OIP5: variants seen among roughly 807,000 people sequenced by gnomAD.
The protein encoded by OIP5 is Opa interacting protein 5.
Under a neutral mutation model 20.3 loss-of-function variants are expected in OIP5, and 24 were observed. The ratio of observed to expected loss-of-function variants is 1.18; its 90% CI spans 0.86 to 1.66. The LOEUF is 1.66. OIP5 is among the 40% of genes most tolerant of loss of function. The pLI, the probability that OIP5 is intolerant of heterozygous loss-of-function variation, is 0.00. For synonymous variants in OIP5, 143 were observed against 121.3 expected (o/e 1.18, Z -1.17); for missense variants, 339 against 289.5 (o/e 1.17, Z -1.24).
rs1271917198 is a variant in OIP5 at position 41,323,984 on chromosome 15, GCTT to G, written c.390-4207_390-4205del. Reference sequence around the variant, plus strand: ...CCTTAAATCTCATGAACCAACCTCTGCTTTTTTTTTTTTTTTTTTTTTTAAGAT... The same window carrying G: ...CCTTAAATCTCATGAACCAACCTCTGTTTTTTTTTTTTTTTTTTTTAAGAT... On this transcript the variant is annotated intron_variant, in intron 2 of 4. Transcript: ENST00000220514. Among the ~76,000 whole-genome samples the G allele has an allele frequency of 3.6e-5, 4 of 112,626 alleles. No individual in the cohort carries two copies. In the East Asian group the frequency reaches 8.4e-4, roughly 24 times the overall value. 73.9% of individuals were successfully genotyped at this position (112,626 alleles called of 152,430 possible). A position where few individuals can be genotyped will look rare whatever the true frequency, so the allele number is the denominator to read the frequency against.
intron 2 of OIP5, among the ~76,000 whole-genome samples, chr15:41,326,895 C>T (rs1413558549): frequency 1.3e-5 from 2 of 152,118 alleles, no homozygotes; most frequent in East Asian, 1.9e-4. Flanking sequence ...GAGGAAAATA[C>T]TTCCAATACA....
At position 41,309,823 on chromosome 15, in the gene OIP5, G is replaced by A. The variant is rs1261415668; in HGVS notation, c.621C>T (p.His207=). Residue 207 remains histidine, a synonymous_variant, in exon 5 of 5, where the codon CAC becomes CAT. Coordinates refer to ENST00000220514, the MANE Select transcript of OIP5 (RefSeq NM_007280.2). ...AELKEKIVLT[H]NRLKSLMKIL... is the part of the protein sequence containing the mutation. Reference sequence around the variant, plus strand: ...TCTTCATTAGTGATTTTAAGCGATTGTGCGTTAGCACTATCTTCTCTTTCA... The same window carrying A: ...TCTTCATTAGTGATTTTAAGCGATTATGCGTTAGCACTATCTTCTCTTTCA... 15 of 1,613,482 alleles carry A rather than the reference G, an allele frequency of 9.3e-6. No homozygotes were observed. The highest frequency in any genetic ancestry group is 1.7e-5 in the Admixed American group (1 of 60,016).
Position 41,331,911 on chromosome 15 carries a change from G to C in OIP5, c.389+4C>G. 1 of 1,612,546 alleles carries C rather than the reference G, an allele frequency of 6.2e-7. No individual in the cohort carries two copies. The highest frequency in any genetic ancestry group is 8.5e-7 in the Non-Finnish European group (1 of 1,178,650). On this transcript the variant is annotated splice_donor_region_variant and intron_variant, in intron 2 of 4. Coordinates refer to ENST00000220514, the MANE Select transcript of OIP5 (RefSeq NM_007280.2). ...TAGAGACCAATGTAATTATCAATACGTACCTGCCTTTGAGTGAACCTTCAA... is the reference window on the plus strand; with the variant it reads ...TAGAGACCAATGTAATTATCAATACCTACCTGCCTTTGAGTGAACCTTCAA...
At chr15:41,311,856 G>A (rs1256246460) in intron 4 of OIP5, among the ~76,000 whole-genome samples, 1 of 101,866 alleles carries the variant, frequency 9.8e-6, no homozygotes, top group African/African-American at 2.7e-5. Context: ...GTGAGCCACC[G>A]CACCCAGCCA....
At chr15:41,315,200 C>T (rs575891839) in intron 3 of OIP5, among the ~76,000 whole-genome samples, 4 of 151,286 alleles carry the variant, frequency 2.6e-5, no homozygotes, top group African/African-American at 7.3e-5. Context: ...GAGGCCGAGG[C>T]GGGGGGATCA....
chr15:41,317,673 C>G (rs917037556), intron 3 of OIP5, among the ~76,000 whole-genome samples: 1 of 152,012 alleles, frequency 6.6e-6, no homozygotes, highest in South Asian at 2.1e-4. Context: ...AGCTACCACG[C>G]CCAGCACCGT....
At chr15:41,331,434 A>C (rs955475349) in intron 2 of OIP5, among the ~76,000 whole-genome samples, 1 of 152,166 alleles carries the variant, frequency 6.6e-6, no homozygotes, top group Non-Finnish European at 1.5e-5. Flanking sequence ...AAATTTAAAA[A>C]TTAGCCGGGA....
rs370751576 is a variant in OIP5 at position 41,332,556 on chromosome 15, C to T, written c.6G>A (p.Ala2=). 1.9e-6 allele frequency: 3 copies of T among 1,599,716 alleles called. No individual in the cohort carries two copies. The highest frequency in any genetic ancestry group is 2.6e-6 in the Non-Finnish European group (3 of 1,173,740). M[A]AQPLRHRSRC... is the part of the protein sequence containing the mutation. ...GTGAGCGATGCCGCAGCGGCTGAGC[C>T]GCCATCTTCCCGCAGCCGGCGCCTT... The change falls in exon 1 of 5, where the codon GCG becomes GCA. Residue 2 remains alanine (A), a synonymous_variant. Coordinates refer to ENST00000220514, the MANE Select transcript of OIP5 (RefSeq NM_007280.2).
At chr15:41,319,445 G>C (rs1183142114) in intron 3 of OIP5, among the ~76,000 whole-genome samples, 4 of 151,882 alleles carry the variant, frequency 2.6e-5, no homozygotes, top group Non-Finnish European at 5.9e-5. Context: ...TCGTAGAGAT[G>C]GGTTTCACCA....
intron 2 of OIP5, among the ~76,000 whole-genome samples, chr15:41,321,201 G>A (rs1190973102): frequency 1.3e-5 from 2 of 150,378 alleles, no homozygotes; most frequent in South Asian, 2.1e-4. Context: ...GGAGGGAGGT[G>A]GGGGGGTCAG....
At chr15:41,310,414 CAGG>C (rs2047746808) in intron 4 of OIP5, among the ~76,000 whole-genome samples, 1 of 152,230 alleles carries the variant, frequency 6.6e-6, no homozygotes, top group African/African-American at 2.4e-5. Flanking sequence ...ATCACGAGGT[CAGG>C]AGATCAAGAC....
Position 41,331,991 on chromosome 15 carries a change from C to CA in OIP5, c.323-11dup. On this transcript the variant is annotated splice_polypyrimidine_tract_variant and intron_variant, in intron 1 of 4. Transcript: ENST00000220514. ...ACGTTATTTGTAACTCCTAGGAAGA[C>CA]AAACACGGGTCAGAACCCATACTCT... is the stretch of plus-strand genomic sequence containing the variant. The CA allele has an allele frequency of 1.2e-6, 2 of 1,613,704 alleles. No homozygotes were observed.
At chr15:41,322,825 C>T (rs2047838662) in intron 2 of OIP5, among the ~76,000 whole-genome samples, 1 of 151,934 alleles carries the variant, frequency 6.6e-6, no homozygotes, top group Admixed American at 6.6e-5. Flanking sequence ...ATCCCAGCTA[C>T]TTAGGAGGGT....
chr15:41,314,358 T>A (rs1367617914), intron 3 of OIP5, among the ~76,000 whole-genome samples: 1 of 152,162 alleles, frequency 6.6e-6, no homozygotes, highest in Non-Finnish European at 1.5e-5. Flanking sequence ...TGCCTGGGCC[T>A]CCCAAAGTGC....
intron 2 of OIP5, among the ~76,000 whole-genome samples, chr15:41,328,020 G>A (rs2140466873): frequency 6.6e-6 from 1 of 152,184 alleles, no homozygotes; most frequent in African/African-American, 2.4e-5. Context: ...AGGATGGCTT[G>A]AGCCTGGGAG....
At chr15:41,314,923 T>G (rs2047780324) in intron 3 of OIP5, among the ~76,000 whole-genome samples, 1 of 151,108 alleles carries the variant, frequency 6.6e-6, no homozygotes, top group African/African-American at 2.4e-5. Flanking sequence ...TGAGCCAACA[T>G]GCCTGGCCAG....
At chr15:41,314,216 C>T (rs867659627) in intron 3 of OIP5, among the ~76,000 whole-genome samples, 1 of 152,078 alleles carries the variant, frequency 6.6e-6, no homozygotes, top group Non-Finnish European at 1.5e-5. Context: ...ATTCTCCTGC[C>T]GCAGCCTCCC....
At position 41,309,734 on chromosome 15, in the gene OIP5, A is replaced by G. The variant is rs886979666; in HGVS notation, c.*20T>C. 1.9e-6 allele frequency: 3 copies of G among 1,539,410 alleles called. No individual in the cohort carries two copies. Among genetic ancestry groups the G allele is most frequent in the Non-Finnish European group, 1.8e-6 (2 of 1,115,098 alleles). ...GACAGCAATAAAGCCTGAACCTGAC[A>G]CTCAAGCTTTGGTACAGGATCAGTT... is the stretch of plus-strand genomic sequence containing the variant. On this transcript the variant is annotated 3_prime_UTR_variant, in exon 5 of 5. Coordinates refer to ENST00000220514, the MANE Select transcript of OIP5 (RefSeq NM_007280.2).
intron 4 of OIP5, among the ~76,000 whole-genome samples, chr15:41,311,151 T>C (rs2140457349): frequency 6.6e-6 from 1 of 152,272 alleles, no homozygotes; most frequent in South Asian, 2.1e-4. Context: ...GTGGGTCACC[T>C]GAGCTCGGAA....
Sources: gnomAD v4.1 joint callset for allele counts (sites outside exome capture counted in the v4.1 genomes callset) on GRCh38, gnomAD v4.1.1 for gene constraint, MANE v1.5 for transcripts, NCBI Gene and HGNC (gene_info 2026-07-23, HGNC 2026-07-21) for gene names.